The following RIN2 variants were observed in gnomAD, a reference collection of about 807,000 sequenced individuals.
RIN2 encodes the protein Ras and Rab interactor 2.
Under a neutral mutation model 78.0 loss-of-function variants are expected in RIN2, and 36 were observed. The observed-to-expected ratio is 0.46, with a 90% CI of 0.35 to 0.61. The LOEUF (loss-of-function observed/expected upper bound fraction) is 0.61, where lower values mean the gene tolerates loss of function less well. Ranked by LOEUF, RIN2 falls within the 20% of genes least tolerant of loss-of-function variation. RIN2 has a pLI of 0.00. For missense variants in RIN2, 1,087 were observed against 1,159.7 expected (o/e 0.94, Z 0.91); for synonymous variants, 466 against 466.8 (o/e 1.00, Z 0.02).
chr20:19,846,197 T>C (rs1339553982), intron 2 of RIN2, among the ~76,000 whole-genome samples: 1 of 152,174 alleles, frequency 6.6e-6, no homozygotes, highest in Non-Finnish European at 1.5e-5. Context: ...CTTAGGATTG[T>C]CTTGGCTATA....
At chr20:19,871,746 C>T (rs750061414) in intron 2 of RIN2, 3 of 152,170 alleles carry the variant, frequency 2.0e-5, no homozygotes, top group Admixed American at 6.5e-5. Context: ...AACCAATGTA[C>T]GCATCGCGGC....
rs1433123977 is a variant in RIN2 at position 19,807,082 on chromosome 20, A to T, written c.-37+7335A>T. 2.0e-5 allele frequency among the ~76,000 whole-genome samples: 3 copies of T among 152,340 alleles called. No homozygotes were observed. In the East Asian group the frequency reaches 5.8e-4, roughly 29 times the overall value. On this transcript the variant is annotated intron_variant, in intron 2 of 12. Coordinates refer to ENST00000255006, the MANE Select transcript of RIN2 (RefSeq NM_018993.4). ...TAAGTCCAGGTTGGTGGGCATGGCT[A>T]CCTGAGGAAAGCTCTCCTGTGACAA...
intron 2 of RIN2, among the ~76,000 whole-genome samples, chr20:19,845,488 T>A (rs1398747301): frequency 6.6e-6 from 1 of 152,216 alleles, no homozygotes; most frequent in Non-Finnish European, 1.5e-5. Context: ...TGACCAGTGA[T>A]GATGAGCTTT....
Position 19,908,598 on chromosome 20 carries a change from A to T in RIN2, c.57+18940A>T, listed in dbSNP as rs184274801. On this transcript the variant is annotated intron_variant, in intron 3 of 12. Transcript: ENST00000255006. ...GTGGAAACAATCTCTCATTCCCAGCATGCAGGTTAATGAAGATTGAGAAAA... is the reference window on the plus strand; with the variant it reads ...GTGGAAACAATCTCTCATTCCCAGCTTGCAGGTTAATGAAGATTGAGAAAA... 8.5e-5 allele frequency among the ~76,000 whole-genome samples: 13 copies of T among 152,358 alleles called. No individual in the cohort carries two copies. In the East Asian group the frequency reaches 1.9e-3, roughly 23 times the overall value.
At chr20:19,782,875 G>A (rs964229390) in intron 1 of RIN2, among the ~76,000 whole-genome samples, 8 of 152,196 alleles carry the variant, frequency 5.3e-5, no homozygotes, top group African/African-American at 1.7e-4. Context: ...GTGTTTGACG[G>A]TTTGACTGCA....
At chr20:19,995,354 C>T (rs2146411644) in intron 11 of RIN2, among the ~76,000 whole-genome samples, 1 of 151,516 alleles carries the variant, frequency 6.6e-6, no homozygotes, top group Admixed American at 6.6e-5. Context: ...TTCTCTGTAG[C>T]TGTGGCTCAC....
rs369853180 is a variant in RIN2 at position 19,833,819 on chromosome 20, A to G, written c.-37+34072A>G. On this transcript the variant is annotated intron_variant, in intron 2 of 12. Coordinates refer to ENST00000255006, the MANE Select transcript of RIN2 (RefSeq NM_018993.4). ...CCGTGGCTGACTAGCACAGGGGTGC[A>G]AAAGTGCAGTCCCCTCGCCCCAGTG... Among the ~76,000 whole-genome samples the G allele has an allele frequency of 2.2e-4, 33 of 152,264 alleles. 1 individual carries two copies. The highest frequency in any genetic ancestry group is 6.7e-4 in the African/African-American group (28 of 41,560).
intron 2 of RIN2, among the ~76,000 whole-genome samples, chr20:19,873,183 G>A (rs2037744254): frequency 3.3e-5 from 5 of 151,636 alleles, no homozygotes; most frequent in Admixed American, 3.3e-4. Context: ...GGAGTGCAGT[G>A]GTGCAATCTC....
chr20:19,767,399 G>A (rs140084320), intron 1 of RIN2, among the ~76,000 whole-genome samples: 12 of 152,306 alleles, frequency 7.9e-5, no homozygotes, highest in African/African-American at 2.9e-4. Flanking sequence ...GAATGGTGGA[G>A]GGAAAGTTAC....
rs182190905 is a variant in RIN2 at position 19,853,059 on chromosome 20, T to A, written c.-36-36507T>A. Among the ~76,000 whole-genome samples the A allele has an allele frequency of 6.6e-4, 79 of 119,478 alleles. No individual in the cohort carries two copies. The East Asian group carries it at 0.015, about 22-fold the overall frequency. The allele number at this position is 119,478 out of a possible 152,430, so 78.4% of individuals were successfully genotyped here. A position where few individuals can be genotyped will look rare whatever the true frequency, so the allele number is the denominator to read the frequency against. ...CCCCCCACCCCATGACAGGCCCCAGTGTGTGATGTTCCCCTTCCTGTGTCC... is the reference window on the plus strand; with the variant it reads ...CCCCCCACCCCATGACAGGCCCCAGAGTGTGATGTTCCCCTTCCTGTGTCC... On this transcript the variant is annotated intron_variant, in intron 2 of 12. Transcript: ENST00000255006.
chr20:19,825,103 C>T (rs2036048962), intron 2 of RIN2, among the ~76,000 whole-genome samples: 1 of 152,200 alleles, frequency 6.6e-6, no homozygotes, highest in African/African-American at 2.4e-5. Flanking sequence ...GGGATGAGAC[C>T]AGGCTAGACT....
chr20:19,892,370 C>G (rs1042847466), intron 3 of RIN2, among the ~76,000 whole-genome samples: 42 of 152,222 alleles, frequency 2.8e-4, no homozygotes, highest in African/African-American at 9.6e-4. Flanking sequence ...TGCCTGCCAC[C>G]ACACCCAGCT....
At chr20:19,966,769 G>C (rs1204768101) in intron 7 of RIN2, among the ~76,000 whole-genome samples, 1 of 152,302 alleles carries the variant, frequency 6.6e-6, no homozygotes, top group African/African-American at 2.4e-5. Flanking sequence ...CTGAGAATGG[G>C]ACTAGTACCT....
At chr20:19,875,692 G>C (rs913945064) in intron 2 of RIN2, among the ~76,000 whole-genome samples, 9 of 152,086 alleles carry the variant, frequency 5.9e-5, no homozygotes, top group African/African-American at 2.2e-4. Context: ...GTGCAGGCCT[G>C]CAGGATGGAA....
At chr20:19,771,815 A>T (rs1293761570) in intron 1 of RIN2, among the ~76,000 whole-genome samples, 1 of 152,082 alleles carries the variant, frequency 6.6e-6, no homozygotes, top group African/African-American at 2.4e-5. Flanking sequence ...GGCTTTGAAA[A>T]AAACATGCCC....
chr20:20,000,122 C>T (rs531109954), intron 12 of RIN2, among the ~76,000 whole-genome samples: 8 of 152,108 alleles, frequency 5.3e-5, no homozygotes, highest in East Asian at 1.9e-4. Flanking sequence ...TTGAGCCCAG[C>T]GGTATGAGTC....
intron 2 of RIN2, among the ~76,000 whole-genome samples, chr20:19,843,153 G>A (rs2036634396): frequency 6.6e-6 from 1 of 152,214 alleles, no homozygotes; most frequent in South Asian, 2.1e-4. Context: ...ATCGTTTATT[G>A]AGATGGAATT....
chr20:19,976,470 A>T (rs1278646444), intron 9 of RIN2, among the ~76,000 whole-genome samples: 1 of 152,218 alleles, frequency 6.6e-6, no homozygotes, highest in Non-Finnish European at 1.5e-5. Context: ...TAAGTAACAT[A>T]GTTTGGAGGT....
intron 2 of RIN2, among the ~76,000 whole-genome samples, chr20:19,867,938 G>A (rs1204998881): frequency 3.3e-5 from 5 of 152,216 alleles, no homozygotes; most frequent in East Asian, 1.9e-4. Context: ...AGGCGTTTTC[G>A]TGGGACAAGA....
Sources: gnomAD v4.1 joint callset for allele counts (sites outside exome capture counted in the v4.1 genomes callset) on GRCh38, gnomAD v4.1.1 for gene constraint, MANE v1.5 for transcripts, NCBI Gene and HGNC (gene_info 2026-07-23, HGNC 2026-07-21) for gene names.